The following TASOR variants were observed in gnomAD, a reference collection of about 807,000 sequenced individuals.
TASOR encodes protein TASOR.
TASOR carries 53 observed loss-of-function variants against 178.6 expected under a neutral mutation model. The observed-to-expected ratio is 0.30, with a 90% CI of 0.24 to 0.37. TASOR has a LOEUF of 0.37. Among genes scored for constraint, TASOR ranks in the 10% least tolerant of loss-of-function variants. The pLI is 1.00. For missense variants in TASOR, 1,815 were observed against 1,971.4 expected, an observed-to-expected ratio of 0.92 and a Z score of 1.50; for synonymous variants, 713 against 696.2, an observed-to-expected ratio of 1.02 and a Z score of -0.38.
intron 4 of TASOR, 67 bp downstream of exon 4, chr3:56,670,006 C>T (rs2030504375): frequency 7.3e-6 from 8 of 1,102,098 alleles, no homozygotes; most frequent in Admixed American, 2.7e-5. Flanking sequence ...AGTGAAATTA[C>T]GAGACAATGT....
rs1413836494 is a variant in TASOR, at chr3:56,682,731, G to A, written c.276C>T (p.Pro92=). The A allele has an allele frequency of 2.0e-6, 3 of 1,510,176 alleles. No homozygotes were observed. The highest frequency in any genetic ancestry group is 1.4e-5 in the African/African-American group (1 of 70,860). The allele number at this position is 1,510,176 out of a possible 1,614,324, so 93.5% of individuals were successfully genotyped here. ...AAALPRGPEE[P]ERPVRRSFQI... ...GAAAACTCCTCCTAACAGGCCTTTC[G>A]GGCTCTTCGGGGCCTCTGGGCAGGG... The change falls in exon 1 of 24, where the codon CCC becomes CCT. Residue 92 remains proline (P), a synonymous_variant. Transcript: ENST00000683822.
chr3:56,622,697 A>G lies in TASOR; in HGVS notation c.*340T>C, dbSNP rs1329889370. 1 of 164,560 alleles carries G rather than the reference A, an allele frequency of 6.1e-6. No homozygotes were observed. The highest frequency in any genetic ancestry group is 1.3e-5 in the Non-Finnish European group (1 of 76,550). 10.2% of individuals were successfully genotyped at this position (164,560 alleles called of 1,614,324 possible). The stretch of plus-strand genomic sequence containing the variant: ...CACTTCAACAAAAGTACTTTATATC[A>G]GGTGACATTAGAGAAAAAGAAGTAA... On this transcript the variant is annotated 3_prime_UTR_variant, in exon 24 of 24. Transcript: ENST00000683822.
rs1478743316 is a variant in TASOR, at chr3:56,620,526, A to AAAG, written c.*2508_*2510dup. The AAAG allele has an allele frequency of 3.3e-5, 5 of 152,312 alleles. No individual in the cohort carries two copies. Among genetic ancestry groups the AAAG allele is most frequent in the African/African-American group, 1.2e-4 (5 of 41,572 alleles). The allele number at this position is 152,312 out of a possible 1,614,324, so 9.4% of individuals were successfully genotyped here. ...CTTGAGGAAGAGTAAGCTGTGTTTA[A>AAAG]AAGTGCCCTTTTCCATGTCGTCATG... On this transcript the variant is annotated 3_prime_UTR_variant, in exon 24 of 24. Transcript: ENST00000683822.
At chr3:56,678,221 G>C (rs964478922) in intron 1 of TASOR, among the ~76,000 whole-genome samples, 4 of 116,768 alleles carry the variant, frequency 3.4e-5, no homozygotes, top group African/African-American at 1.4e-4. Flanking sequence ...CTGCACTGTT[G>C]CCCGGGCTGG....
chr3:56,634,594 G>C (rs1201119262), intron 17 of TASOR, among the ~76,000 whole-genome samples: 1 of 152,146 alleles, frequency 6.6e-6, no homozygotes. Context: ...GACAAGAGAA[G>C]AACATATTTC....
chr3:56,622,976 G>T lies in TASOR; in HGVS notation c.*61C>A. The T allele has an allele frequency of 8.9e-7, 1 of 1,124,006 alleles. No homozygotes were observed. Among genetic ancestry groups the T allele is most frequent in the Non-Finnish European group, 1.2e-6 (1 of 810,452 alleles). 69.6% of individuals were successfully genotyped at this position (1,124,006 alleles called of 1,614,324 possible). A position where few individuals can be genotyped will look rare whatever the true frequency, so the allele number is the denominator to read the frequency against. ...AACAAGAACCTTTTGTTTAGAGAAT[G>T]AAATATAAATTGTTAATAAACAAAG... On this transcript the variant is annotated 3_prime_UTR_variant, in exon 24 of 24. Transcript: ENST00000683822.
Position 56,624,503 on chromosome 3 carries a change from T to G in TASOR, c.4459A>C (p.Asn1487His), listed in dbSNP as rs2107524416. 1 of 1,613,878 alleles carries G rather than the reference T, an allele frequency of 6.2e-7. No individual in the cohort carries two copies. Among genetic ancestry groups the G allele is most frequent in the Non-Finnish European group, 8.5e-7 (1 of 1,179,946 alleles). ...TEENLPQLGA[N>H]ENLESQSALL... The stretch of plus-strand genomic sequence containing the variant: ...CCTGACTGCGACTCAAGATTCTCAT[T>G]AGCACCAAGCTGTGGAAGGTTTTCT... Residue 1487 changes from asparagine (N) to histidine (H), a missense_variant, in exon 23 of 24, where the codon AAT becomes CAT. Asn to His is a moderately conservative substitution (Grantham distance 68). Around this residue, in one of 5 missense-constraint regions of TASOR, gnomAD observed 278 missense variants for 257.1 expected, o/e 1.08. Coordinates refer to ENST00000683822, the MANE Select transcript of TASOR (RefSeq NM_001365635.2).
In TASOR at chr3:56,682,738, T is replaced by C; in HGVS notation, c.269A>G (p.Glu90Gly). 2 of 1,522,434 alleles carry C rather than the reference T, an allele frequency of 1.3e-6. No individual in the cohort carries two copies. The highest frequency in any genetic ancestry group is 1.4e-5 in the African/African-American group (1 of 71,422). 94.3% of individuals were successfully genotyped at this position (1,522,434 alleles called of 1,614,324 possible). A position where few individuals can be genotyped will look rare whatever the true frequency, so the allele number is the denominator to read the frequency against. ...AGAAALPRGP[E>G]EPERPVRRSF... is the part of the protein sequence containing the mutation. ...CCTCCTAACAGGCCTTTCGGGCTCT[T>C]CGGGGCCTCTGGGCAGGGCGGCCGC... Residue 90 changes from glutamate (E) to glycine (G), a missense_variant, in exon 1 of 24, where the codon GAA becomes GGA. Around this residue, in one of 5 missense-constraint regions of TASOR, gnomAD observed 244 missense variants for 202.7 expected, o/e 1.20. Transcript: ENST00000683822.
chr3:56,637,964 T>C (rs1203150722), intron 17 of TASOR, among the ~76,000 whole-genome samples: 1 of 152,182 alleles, frequency 6.6e-6, no homozygotes, highest in Non-Finnish European at 1.5e-5. Context: ...TTATTTAATC[T>C]ACCTGCAGAA....
chr3:56,622,128 A>G lies in TASOR; in HGVS notation c.*909T>C, dbSNP rs2076695624. 1 of 152,242 alleles carries G rather than the reference A, an allele frequency of 6.6e-6. No individual in the cohort carries two copies. 9.4% of individuals were successfully genotyped at this position (152,242 alleles called of 1,614,324 possible). On this transcript the variant is annotated 3_prime_UTR_variant, in exon 24 of 24. Coordinates refer to ENST00000683822, the MANE Select transcript of TASOR (RefSeq NM_001365635.2). ...TATTTGCACTATGACATTTATTTGT[A>G]GAAATTGCAATTTTCAAAAACATTT...
chr3:56,656,326 AC>A (rs1233793687), intron 11 of TASOR, among the ~76,000 whole-genome samples: 3 of 152,178 alleles, frequency 2.0e-5, no homozygotes, highest in African/African-American at 7.2e-5. Context: ...GGCGGTTCAC[AC>A]CTGTAATCCC....
chr3:56,623,824 G>GATT, intron 23 of TASOR: 1 of 1,550,796 alleles, frequency 6.4e-7, no homozygotes, highest in Non-Finnish European at 8.7e-7. Flanking sequence ...GCTCCAAAGG[G>GATT]GTTAATGTCA....
intron 21 of TASOR, 110 bp from the exon 22 acceptor site, chr3:56,625,116 T>A: frequency 1.1e-6 from 1 of 936,546 alleles, no homozygotes; most frequent in Non-Finnish European, 1.6e-6. Flanking sequence ...TAATGACAAC[T>A]GCACTGCTTT....
chr3:56,637,524 G>C (rs1379901858), intron 17 of TASOR, among the ~76,000 whole-genome samples: 7 of 149,620 alleles, frequency 4.7e-5, no homozygotes, highest in Admixed American at 2.6e-4. Flanking sequence ...CTGTATCAGA[G>C]GGGAAAAAAA....
At chr3:56,681,607 T>C (rs1166016581) in intron 1 of TASOR, among the ~76,000 whole-genome samples, 1 of 152,154 alleles carries the variant, frequency 6.6e-6, no homozygotes, top group Non-Finnish European at 1.5e-5. Flanking sequence ...CTGTACCAGA[T>C]GGATGGAAAA....
chr3:56,667,011 T>G (rs929814925), intron 6 of TASOR, among the ~76,000 whole-genome samples: 6 of 152,214 alleles, frequency 3.9e-5, no homozygotes, highest in Non-Finnish European at 7.3e-5. Context: ...TCAAAGTCCA[T>G]TCCCCTGGGA....
intron 17 of TASOR, among the ~76,000 whole-genome samples, chr3:56,637,158 G>GT (rs2077034403): frequency 6.6e-6 from 1 of 152,216 alleles, no homozygotes; most frequent in Admixed American, 6.5e-5. Flanking sequence ...TTGGGAACAA[G>GT]GAGAGTACTA....
At position 56,621,623 on chromosome 3, in the gene TASOR, A is replaced by C. The variant is rs751055240; in HGVS notation, c.*1414T>G. ...AGTTTTGGTTCTTCATTTTAAATGT[A>C]GAAAATCAAATCCTTCACATTTGAT... On this transcript the variant is annotated 3_prime_UTR_variant, in exon 24 of 24. Transcript: ENST00000683822. 5 of 1,579,990 alleles carry C rather than the reference A, an allele frequency of 3.2e-6. No individual in the cohort carries two copies. The South Asian group carries it at 5.7e-5, about 18-fold the overall frequency.
rs892183814 is a variant in TASOR at position 56,682,820 on chromosome 3, C to T, written c.187G>A (p.Ala63Thr). Residue 63 changes from alanine to threonine, a missense_variant, in exon 1 of 24, where the codon GCC becomes ACC. Coordinates refer to ENST00000683822, the MANE Select transcript of TASOR (RefSeq NM_001365635.2). ...TGGCTGAGGCTCTGGGCGGCCTCGG[C>T]CCCCGCGTTCTCCTCACGCCCAGCG... ...GGAGREENAG[A>T]EAAQSLSHEQ... The T allele has an allele frequency of 1.6e-4, 255 of 1,550,402 alleles. 1 individual carries two copies. The East Asian group carries it at 5.6e-3, about 34-fold the overall frequency.
Sources: allele counts gnomAD v4.1 joint callset (sites outside exome capture counted in the v4.1 genomes callset), GRCh38; gene constraint gnomAD v4.1.1; regional missense constraint gnomAD v4.1.1; transcripts MANE v1.5; gene names NCBI Gene and HGNC (gene_info 2026-07-23, HGNC 2026-07-21).